BRAT1: variants seen among roughly 807,000 people sequenced by gnomAD.
BRAT1 encodes integrator complex assembly factor BRAT1.
In BRAT1, 74 loss-of-function variants were observed where a neutral mutation model predicts 70.6. That is an observed-to-expected ratio of 1.05 (90% CI 0.87 to 1.27). The LOEUF (loss-of-function observed/expected upper bound fraction) is 1.27. Among genes scored for constraint, BRAT1 ranks in the 50% most tolerant of loss-of-function variants. The pLI, the probability that BRAT1 is intolerant of heterozygous loss-of-function variation, is 0.00. For synonymous variants in BRAT1, 615 were observed against 517.1 expected (o/e 1.19, Z -2.57); for missense variants, 1,203 against 1,098.2 (o/e 1.10, Z -1.35).
At position 2,543,110 on chromosome 7, in the gene BRAT1, G is replaced by A. The variant is rs1779306814; in HGVS notation, c.923+94C>T. 1.5e-5 allele frequency: 21 copies of A among 1,431,266 alleles called. 1 individual carries two copies. The highest frequency in any genetic ancestry group is 1.9e-4 in the Middle Eastern group (1 of 5,378). The allele number at this position is 1,431,266 out of a possible 1,614,324, so 88.7% of individuals were successfully genotyped here. A position where few individuals can be genotyped will look rare whatever the true frequency, so the allele number is the denominator to read the frequency against. On this transcript the variant is annotated intron_variant, in intron 6 of 13. Coordinates refer to ENST00000340611, the MANE Select transcript of BRAT1 (RefSeq NM_152743.4). The surrounding 1 kb of genome is among the most constrained non-coding windows in gnomAD (Gnocchi z 5.5). ...GGCCGCCTGACTGTCCCTGGTGTCC[G>A]GAACTCCCCTGCCATGAGGGCTGCG...
In BRAT1 at chr7:2,543,441, C is replaced by G. The variant is rs1009453600; in HGVS notation, c.804-118G>C. On this transcript the variant is annotated intron_variant, in intron 5 of 13. Transcript: ENST00000340611. This position sits in a 1 kb window ranked among gnomAD's most constrained non-coding sequence, Gnocchi z 5.5. The stretch of plus-strand genomic sequence containing the variant: ...GCGCCCAGCCCAAGACAGGCCTTTC[C>G]CCATGAGGGTTCCAGGGTCACCCCG... 14 of 1,484,744 alleles carry G rather than the reference C, an allele frequency of 9.4e-6. No homozygotes were observed. The highest frequency in any genetic ancestry group is 1.2e-5 in the Non-Finnish European group (14 of 1,121,354). 92.0% of individuals were successfully genotyped at this position (1,484,744 alleles called of 1,614,324 possible). A position where few individuals can be genotyped will look rare whatever the true frequency, so the allele number is the denominator to read the frequency against.
At chr7:2,542,962 TC>T in intron 6 of BRAT1, 1 of 358,330 alleles carries the variant, frequency 2.8e-6, no homozygotes, top group South Asian at 4.8e-5. Context: ...GCAGAGCAGC[TC>T]CCGCATCCTT....
In BRAT1 at chr7:2,554,352, G is replaced by T. The variant is rs1449525170; in HGVS notation, c.80C>A (p.Thr27Asn). 3 of 1,613,952 alleles carry T rather than the reference G, an allele frequency of 1.9e-6. No homozygotes were observed. The highest frequency in any genetic ancestry group is 2.5e-6 in the Non-Finnish European group (3 of 1,179,966). ...CCAGTCCAGGAGCTTCTCCAAACAG[G>T]TGTCATCTGCCACCGGCTGCCTGGG... ...VDPRQPVADD[T>N]CLEKLLDWFK... The change falls in exon 2 of 14, where the codon ACC (threonine) becomes AAC (asparagine). Residue 27 changes from threonine to asparagine, a missense_variant. Physicochemically the swap from Thr to Asn is moderately conservative, Grantham distance 65. Coordinates refer to ENST00000340611, the MANE Select transcript of BRAT1 (RefSeq NM_152743.4).
chr7:2,539,770 C>T lies in BRAT1; in HGVS notation c.1498+16G>A. The stretch of plus-strand genomic sequence containing the variant: ...GCGACTCCAGCTCCGTTCACCCCTG[C>T]AAGGGGCTGCGTTACCTCTGAGGAA... On this transcript the variant is annotated intron_variant, in intron 11 of 13. Coordinates refer to ENST00000340611, the MANE Select transcript of BRAT1 (RefSeq NM_152743.4). The T allele has an allele frequency of 1.9e-6, 3 of 1,604,580 alleles. No individual in the cohort carries two copies. Among genetic ancestry groups the T allele is most frequent in the Non-Finnish European group, 2.6e-6 (3 of 1,175,538 alleles).
At chr7:2,544,011 G>A in intron 4 of BRAT1, 49 bp from the exon 5 acceptor site, 1 of 1,441,218 alleles carries the variant, frequency 6.9e-7, no homozygotes. Flanking sequence ...AGCCAGAATA[G>A]AGCTGGGGGA....
At position 2,554,398 on chromosome 7, in the gene BRAT1, G is replaced by A; in HGVS notation, c.34C>T (p.Leu12Phe). Residue 12 changes from leucine (L) to phenylalanine (F), a missense_variant, in exon 2 of 14, where the codon CTC (leucine) becomes TTC (phenylalanine). Transcript: ENST00000340611. ...DPECAQLLPA[L>F]CAVLVDPRQP... is the part of the protein sequence containing the mutation. ...CTGGGATCTACCAGAACAGCACAGA[G>A]AGCCGGGAGCAGCTGGGCGCATTCT... 1 of 1,613,944 alleles carries A rather than the reference G, an allele frequency of 6.2e-7. No individual in the cohort carries two copies. Among genetic ancestry groups the A allele is most frequent in the Non-Finnish European group, 8.5e-7 (1 of 1,179,920 alleles).
chr7:2,554,331 T>A lies in BRAT1; in HGVS notation c.101A>T (p.Asp34Val). The A allele has an allele frequency of 6.2e-7, 1 of 1,613,942 alleles. No homozygotes were observed. The highest frequency in any genetic ancestry group is 8.5e-7 in the Non-Finnish European group (1 of 1,179,878). Residue 34 changes from aspartate (D) to valine (V), a missense_variant, in exon 2 of 14, where the codon GAC (aspartate) becomes GTC (valine). Coordinates refer to ENST00000340611, the MANE Select transcript of BRAT1 (RefSeq NM_152743.4). ...ADDTCLEKLL[D>V]WFKTVTEGES... ...TCCTTCAGTGACCGTTTTAAACCAG[T>A]CCAGGAGCTTCTCCAAACAGGTGTC...
Position 2,537,913 on chromosome 7 carries a change from A to C in BRAT1, c.*156T>G. 4 of 1,243,976 alleles carry C rather than the reference A, an allele frequency of 3.2e-6. No individual in the cohort carries two copies. Among genetic ancestry groups the C allele is most frequent in the Non-Finnish European group, 4.2e-6 (4 of 955,360 alleles). 77.1% of individuals were successfully genotyped at this position (1,243,976 alleles called of 1,614,324 possible). On this transcript the variant is annotated 3_prime_UTR_variant, in exon 14 of 14. Coordinates refer to ENST00000340611, the MANE Select transcript of BRAT1 (RefSeq NM_152743.4). ...AATAAGTCATTTCTTTAATACATCA[A>C]ACTGTGGGATTTCTTGACCTTGCTT...
chr7:2,547,516 C>T lies in BRAT1; in HGVS notation c.128-38G>A, dbSNP rs6942871. The stretch of plus-strand genomic sequence containing the variant: ...CCCAGCCCAGGGGTCACCAGGGGTA[C>T]GGCACCAGGTGTCCCCCTGGATGAC... On this transcript the variant is annotated intron_variant, in intron 2 of 13. Transcript: ENST00000340611. 0.037 allele frequency: 59,018 copies of T among 1,600,128 alleles called. 4,797 individuals are homozygous for T. The highest frequency in any genetic ancestry group is 0.25 in the East Asian group (11,293 of 44,544).
Position 2,543,271 on chromosome 7 carries a change from C to G in BRAT1, c.856G>C (p.Ala286Pro). 6.2e-7 allele frequency: 1 copy of G among 1,611,658 alleles called. No individual in the cohort carries two copies. The highest frequency in any genetic ancestry group is 8.5e-7 in the Non-Finnish European group (1 of 1,179,068). ...DGSLWETVAR[A>P]LSCLGPTHMG... Reference sequence around the variant, plus strand: ...TGGGTGGGACCCAGGCAGCTCAGAGCCCGCGCCACTGTCTCCCACAGGCTG... The same window carrying G: ...TGGGTGGGACCCAGGCAGCTCAGAGGCCGCGCCACTGTCTCCCACAGGCTG... The change falls in exon 6 of 14, where the codon GCT becomes CCT. Residue 286 changes from alanine to proline, a missense_variant. By Grantham distance (27) the Ala-to-Pro change is conservative (BLOSUM62 -1). Transcript: ENST00000340611. The surrounding 1 kb of genome is among the most constrained non-coding windows in gnomAD (Gnocchi z 5.5).
At chr7:2,551,267 A>T (rs1003538077) in intron 2 of BRAT1, among the ~76,000 whole-genome samples, 1 of 149,808 alleles carries the variant, frequency 6.7e-6, no homozygotes, top group Admixed American at 6.7e-5. Context: ...ATATCTATAT[A>T]TATATCTATA....
At position 2,547,316 on chromosome 7, in the gene BRAT1, A is replaced by C. The variant is rs1050231334; in HGVS notation, c.282+8T>G. Reference sequence around the variant, plus strand: ...ACGGGACACTCAGGTGGGAGGCCCCAGGCTCACCTGAAGATACTGGAAGCA... The same window carrying C: ...ACGGGACACTCAGGTGGGAGGCCCCCGGCTCACCTGAAGATACTGGAAGCA... On this transcript the variant is annotated splice_region_variant and intron_variant, in intron 3 of 13. Transcript: ENST00000340611. 3 of 1,613,720 alleles carry C rather than the reference A, an allele frequency of 1.9e-6. No homozygotes were observed. In the African/African-American group the frequency reaches 4.0e-5, roughly 22 times the overall value.
At position 2,539,956 on chromosome 7, in the gene BRAT1, C is replaced by T. The variant is rs769634441; in HGVS notation, c.1396-68G>A. The T allele has an allele frequency of 2.4e-5, 29 of 1,184,392 alleles. No homozygotes were observed. The African/African-American group carries it at 3.8e-4, about 15-fold the overall frequency. 73.4% of individuals were successfully genotyped at this position (1,184,392 alleles called of 1,614,324 possible). A position where few individuals can be genotyped will look rare whatever the true frequency, so the allele number is the denominator to read the frequency against. ...GGGCAGGCTGTCTGTCTGTCCCCCT[C>T]GCCTTCACCTGTGCTGCCCGTACTC... On this transcript the variant is annotated intron_variant, in intron 10 of 13. Transcript: ENST00000340611.
rs996859834 is a variant in BRAT1, at chr7:2,545,979, C to G, written c.283-923G>C. Among the ~76,000 whole-genome samples, 3 of 152,366 alleles carry G rather than the reference C, an allele frequency of 2.0e-5. No individual in the cohort carries two copies. The South Asian group carries it at 6.2e-4, about 32-fold the overall frequency. ...GCTAACGGTACTGGATGTGCCTTCG[C>G]ACAACCTGGCGAGGGCCTGTGAGGC... On this transcript the variant is annotated intron_variant, in intron 3 of 13. Transcript: ENST00000340611.
chr7:2,543,126 G>T lies in BRAT1; in HGVS notation c.923+78C>A. Reference sequence around the variant, plus strand: ...CTGGTGTCCGGAACTCCCCTGCCATGAGGGCTGCGCTCTCAACCTCCCTGC... The same window carrying T: ...CTGGTGTCCGGAACTCCCCTGCCATTAGGGCTGCGCTCTCAACCTCCCTGC... On this transcript the variant is annotated intron_variant, in intron 6 of 13. Transcript: ENST00000340611. The surrounding 1 kb of genome is among the most constrained non-coding windows in gnomAD (Gnocchi z 5.5). The T allele has an allele frequency of 6.8e-7, 1 of 1,465,594 alleles. No individual in the cohort carries two copies. Among genetic ancestry groups the T allele is most frequent in the Non-Finnish European group, 9.1e-7 (1 of 1,104,670 alleles). 90.8% of individuals were successfully genotyped at this position (1,465,594 alleles called of 1,614,324 possible).
chr7:2,553,280 C>A (rs1480143333), intron 2 of BRAT1, among the ~76,000 whole-genome samples: 1 of 152,232 alleles, frequency 6.6e-6, no homozygotes, highest in Non-Finnish European at 1.5e-5. Flanking sequence ...ACCTACCCGC[C>A]TTGGCCTCCC....
intron 2 of BRAT1, 37 bp from the exon 3 acceptor site, chr7:2,547,515 A>C: frequency 3.1e-6 from 5 of 1,602,946 alleles, no homozygotes; most frequent in Non-Finnish European, 4.3e-6. Flanking sequence ...CACCAGGGGT[A>C]CGGCACCAGG....
Position 2,537,946 on chromosome 7 carries a change from G to A in BRAT1, c.*123C>T. The A allele has an allele frequency of 7.3e-7, 1 of 1,369,786 alleles. No individual in the cohort carries two copies. Among genetic ancestry groups the A allele is most frequent in the Non-Finnish European group, 9.4e-7 (1 of 1,059,480 alleles). 84.9% of individuals were successfully genotyped at this position (1,369,786 alleles called of 1,614,324 possible). A position where few individuals can be genotyped will look rare whatever the true frequency, so the allele number is the denominator to read the frequency against. On this transcript the variant is annotated 3_prime_UTR_variant, in exon 14 of 14. Coordinates refer to ENST00000340611, the MANE Select transcript of BRAT1 (RefSeq NM_152743.4). ...GATTTCTTGACCTTGCTTCTCTCCT[G>A]GTCCTGGCTTCCCCAGAGGATCCAC...
At position 2,539,317 on chromosome 7, in the gene BRAT1, T is replaced by G. The variant is rs776432465; in HGVS notation, c.1632A>C (p.Ser544=). Residue 544 remains serine (S), a synonymous_variant, in exon 13 of 14, where the codon TCA becomes TCC. Transcript: ENST00000340611. The part of the protein sequence containing the change: ...QADFRCALLA[S]EVPQLALQLL... ...GCTGCAGGGCCAGCTGAGGCACCTCTGAAGCCAAGAGTGCGCATCTGAAGT... is the reference window on the plus strand; with the variant it reads ...GCTGCAGGGCCAGCTGAGGCACCTCGGAAGCCAAGAGTGCGCATCTGAAGT... 1 of 1,611,636 alleles carries G rather than the reference T, an allele frequency of 6.2e-7. No homozygotes were observed. Among genetic ancestry groups the G allele is most frequent in the East Asian group, 2.2e-5 (1 of 44,858 alleles).
Sources: allele counts gnomAD v4.1 joint callset (sites outside exome capture counted in the v4.1 genomes callset), GRCh38; gene constraint gnomAD v4.1.1; non-coding constraint Gnocchi (gnomAD v3.1); transcripts MANE v1.5; gene names NCBI Gene and HGNC (gene_info 2026-07-23, HGNC 2026-07-21).